RPA1: variants seen among roughly 807,000 people sequenced by gnomAD.
RPA1 encodes the protein replication protein A1, also known as replication protein A 70 kDa DNA-binding subunit.
In RPA1, 49 loss-of-function variants were observed where a neutral mutation model predicts 83.0. That is an observed-to-expected ratio of 0.59 (90% CI 0.47 to 0.75). The LOEUF (loss-of-function observed/expected upper bound fraction) is 0.75, where lower values mean the gene tolerates loss of function less well. RPA1 is among the 30% of genes least tolerant of loss of function. The pLI, the probability that RPA1 is intolerant of heterozygous loss-of-function variation, is 0.00. For synonymous variants in RPA1, 279 were observed against 281.8 expected, an observed-to-expected ratio of 0.99 and a Z score of 0.10; for missense variants, 693 against 776.1, an observed-to-expected ratio of 0.89 and a Z score of 1.27.
chr17:1,856,369 C>T (rs924013290), intron 5 of RPA1, among the ~76,000 whole-genome samples: 16 of 149,998 alleles, frequency 1.1e-4, no homozygotes, highest in African/African-American at 3.2e-4. Flanking sequence ...GAAGCTGAGG[C>T]GGGCGGATCA....
At chr17:1,896,258 G>A (rs1272014502) in intron 16 of RPA1, among the ~76,000 whole-genome samples, 10 of 152,156 alleles carry the variant, frequency 6.6e-5, no homozygotes, top group African/African-American at 2.2e-4. Context: ...CGAGTATCAC[G>A]GGATTTAGTA....
chr17:1,883,911 G>A lies in RPA1; in HGVS notation c.1341G>A (p.Glu447=). 6.2e-7 allele frequency: 1 copy of A among 1,614,100 alleles called. No homozygotes were observed. Among genetic ancestry groups the A allele is most frequent in the Non-Finnish European group, 8.5e-7 (1 of 1,180,018 alleles). ...ACACCAACTGGAAAACCTTGTATGA[G>A]GTCAAATCCGAGAACCTGGGCCAAG... The part of the protein sequence containing the change: ...GSNTNWKTLY[E]VKSENLGQGD... Residue 447 remains glutamate, a synonymous_variant, in exon 13 of 17, where the codon GAG becomes GAA. Transcript: ENST00000254719.
intron 14 of RPA1, among the ~76,000 whole-genome samples, chr17:1,889,329 A>AG (rs1265698307): frequency 1.4e-5 from 1 of 72,466 alleles, no homozygotes; most frequent in Non-Finnish European, 3.7e-5. Flanking sequence ...AGTTGGGTTT[A>AG]AAAAAATTTT....
At position 1,843,915 on chromosome 17, in the gene RPA1, C is replaced by G. The variant is rs770000047; in HGVS notation, c.85-5C>G. 6.8e-6 allele frequency: 11 copies of G among 1,613,484 alleles called. No individual in the cohort carries two copies. The South Asian group carries it at 1.2e-4, about 18-fold the overall frequency. ...CTGGCTAATGAATCAAGTTTTCTGT[C>G]CTAGAACATCCGTCCCATTACTACG... On this transcript the variant is annotated splice_region_variant and splice_polypyrimidine_tract_variant and intron_variant, in intron 2 of 16. Transcript: ENST00000254719.
chr17:1,887,099 C>G (rs1914021397), intron 13 of RPA1, among the ~76,000 whole-genome samples: 1 of 152,138 alleles, frequency 6.6e-6, no homozygotes, highest in Non-Finnish European at 1.5e-5. Context: ...TACTCCATAT[C>G]AGCAGTAAGG....
chr17:1,888,246 G>A (rs1914067262), intron 13 of RPA1, among the ~76,000 whole-genome samples: 1 of 152,162 alleles, frequency 6.6e-6, no homozygotes, highest in Non-Finnish European at 1.5e-5. Context: ...AGCGCGGGAG[G>A]GATGGTTGAT....
At chr17:1,848,946 G>A (rs1912369470) in intron 4 of RPA1, among the ~76,000 whole-genome samples, 3 of 152,040 alleles carry the variant, frequency 2.0e-5, no homozygotes, top group Non-Finnish European at 4.4e-5. Flanking sequence ...ATGGGCATTC[G>A]GATTATTTCT....
At position 1,895,137 on chromosome 17, in the gene RPA1, G is replaced by A. The variant is rs765412046; in HGVS notation, c.1746+42G>A. The A allele has an allele frequency of 4.0e-6, 6 of 1,514,780 alleles. No individual in the cohort carries two copies. In the Admixed American group the frequency reaches 8.5e-5, roughly 22 times the overall value. The allele number at this position is 1,514,780 out of a possible 1,614,324, so 93.8% of individuals were successfully genotyped here. A position where few individuals can be genotyped will look rare whatever the true frequency, so the allele number is the denominator to read the frequency against. ...GCAGCAGGGTTGGTGGTGGGGAGGT[G>A]CTGTTTGTCACCTACGGCAGTGTCG... On this transcript the variant is annotated intron_variant, in intron 16 of 16. Coordinates refer to ENST00000254719, the MANE Select transcript of RPA1 (RefSeq NM_002945.5).
chr17:1,878,418 T>G (rs1487269185), intron 8 of RPA1, among the ~76,000 whole-genome samples: 7 of 152,180 alleles, frequency 4.6e-5, no homozygotes, highest in Non-Finnish European at 1.0e-4. Flanking sequence ...TTTTAGAAAT[T>G]ATTGCTCTAA....
chr17:1,878,639 G>A (rs1913653906), intron 8 of RPA1, among the ~76,000 whole-genome samples: 1 of 152,208 alleles, frequency 6.6e-6, no homozygotes, highest in Non-Finnish European at 1.5e-5. Flanking sequence ...CGTGGGCTCT[G>A]GGCGTGTCCC....
intron 7 of RPA1, among the ~76,000 whole-genome samples, chr17:1,876,745 G>GTCA (rs1913589440): frequency 6.6e-6 from 1 of 152,082 alleles, no homozygotes; most frequent in South Asian, 2.1e-4. Flanking sequence ...TCTCTCTAAG[G>GTCA]TCATGCTGCT....
intron 1 of RPA1, among the ~76,000 whole-genome samples, chr17:1,832,290 G>A (rs1911648588): frequency 6.6e-6 from 1 of 151,970 alleles, no homozygotes; most frequent in African/African-American, 2.4e-5. Context: ...CCCCACACTG[G>A]CAAACACTAT....
chr17:1,857,540 T>G, intron 5 of RPA1, among the ~76,000 whole-genome samples: 1 of 151,636 alleles, frequency 6.6e-6, no homozygotes, highest in African/African-American at 2.4e-5. Context: ...CCACCTCTCT[T>G]CTTTCAATAA....
intron 5 of RPA1, among the ~76,000 whole-genome samples, chr17:1,860,304 G>A (rs527523395): frequency 3.2e-4 from 48 of 152,092 alleles, no homozygotes; most frequent in Admixed American, 3.3e-4. Context: ...GTGCCACCAC[G>A]CCCGGCTCAT....
At chr17:1,859,920 C>T (rs552235147) in intron 5 of RPA1, among the ~76,000 whole-genome samples, 84 of 152,366 alleles carry the variant, frequency 5.5e-4, no homozygotes, top group African/African-American at 1.9e-3. Flanking sequence ...TCAAGCGATT[C>T]TCCTGCCTCA....
chr17:1,871,202 T>G (rs1379228010), intron 5 of RPA1, among the ~76,000 whole-genome samples: 2 of 152,338 alleles, frequency 1.3e-5, no homozygotes, highest in Middle Eastern at 3.4e-3. Context: ...ATCTGGCTCT[T>G]TTTCTATGTA....
Position 1,831,898 on chromosome 17 carries a change from C to CTT in RPA1, c.33+1797_33+1798dup, listed in dbSNP as rs138268342. On this transcript the variant is annotated intron_variant, in intron 1 of 16. Transcript: ENST00000254719. ...ACAGGCGTGAGCCACTGTGCCCGGC[C>CTT]TTTTTTTTTTTTTTTTTTTTTTTTT... Among the ~76,000 whole-genome samples, 242 of 37,836 alleles carry CTT rather than the reference C, an allele frequency of 6.4e-3. 47 individuals carry two copies. The highest frequency in any genetic ancestry group is 0.021 in the African/African-American group (227 of 10,872). The allele number at this position is 37,836 out of a possible 152,430, so 24.8% of individuals were successfully genotyped here.
At chr17:1,843,033 T>C (rs755729241) in intron 2 of RPA1, among the ~76,000 whole-genome samples, 180 bp downstream of exon 2, 3 of 152,108 alleles carry the variant, frequency 2.0e-5, no homozygotes, top group Admixed American at 6.6e-5. Context: ...AAAATGTTAC[T>C]ACGTGAGCTG....
intron 3 of RPA1, 92 bp from the exon 4 acceptor site, chr17:1,844,486 G>T: frequency 1.1e-6 from 1 of 876,346 alleles, no homozygotes. Flanking sequence ...GCATATGTAA[G>T]GCATTTTTCT....
Sources: allele counts gnomAD v4.1 joint callset (sites outside exome capture counted in the v4.1 genomes callset), GRCh38; gene constraint gnomAD v4.1.1; transcripts MANE v1.5; gene names NCBI Gene and HGNC (gene_info 2026-07-23, HGNC 2026-07-21).